SIRPB1: variants seen among roughly 807,000 people sequenced by gnomAD.
SIRPB1 encodes signal regulatory protein beta 1.
In SIRPB1, 28 loss-of-function variants were observed where a neutral mutation model predicts 34.1. The ratio of observed to expected loss-of-function variants is 0.82; its 90% confidence interval spans 0.61 to 1.12. The LOEUF (loss-of-function observed/expected upper bound fraction) is 1.12, where lower values mean the gene tolerates loss of function less well. Among genes scored for constraint, SIRPB1 ranks in the 50% most tolerant of loss-of-function variants. SIRPB1 has a pLI of 0.00. For missense variants in SIRPB1, 499 were observed against 507.0 expected, an observed-to-expected ratio of 0.98 and a Z score of 0.15; for synonymous variants, 211 against 203.8, an observed-to-expected ratio of 1.04 and a Z score of -0.30.
chr20:1,617,612 T>C (rs984003398), intron 1 of SIRPB1, among the ~76,000 whole-genome samples: 4 of 152,174 alleles, frequency 2.6e-5, no homozygotes, highest in African/African-American at 9.7e-5. Flanking sequence ...CACAAATCTA[T>C]TGTACAATAT....
chr20:1,570,290 C>T (rs1295473269), intron 4 of SIRPB1, among the ~76,000 whole-genome samples: 1 of 152,228 alleles, frequency 6.6e-6, no homozygotes, highest in African/African-American at 2.4e-5. Flanking sequence ...TGTGCTGTGA[C>T]CAGGTCACCT....
chr20:1,578,375 C>G lies in SIRPB1; in HGVS notation c.396G>C (p.Glu132Asp), dbSNP rs1470050027. The G allele has an allele frequency of 2.5e-6, 4 of 1,587,256 alleles. No homozygotes were observed. Among genetic ancestry groups the G allele is most frequent in the Non-Finnish European group, 3.4e-6 (4 of 1,160,338 alleles). Reference protein sequence around the residue: ...KFRKGSPDDVEFKSGAGTELS... With the variant: ...KFRKGSPDDVDFKSGAGTELS... ...GCTCAGTGCCTGCTCCAGACTTAAA[C>G]TCCACGTCGTCAGGGCTCCCTTTCC... Residue 132 changes from glutamate to aspartate, a missense_variant, in exon 2 of 6, where the codon GAG becomes GAC. Transcript: ENST00000381605.
chr20:1,613,194 G>A (rs2091584511), intron 1 of SIRPB1, among the ~76,000 whole-genome samples: 1 of 72,866 alleles, frequency 1.4e-5, no homozygotes, highest in Non-Finnish European at 2.6e-5. Context: ...TTTTTAAAGA[G>A]CTTTCAGCAG....
intron 1 of SIRPB1, 47 bp downstream of exon 1, chr20:1,619,822 T>C (rs747895981): frequency 2.6e-5 from 36 of 1,380,934 alleles, no homozygotes; most frequent in African/African-American, 1.4e-4. Context: ...GGACAGGCCA[T>C]GGCTCAGTGG....
Position 1,586,845 on chromosome 20 carries a change from C to T in SIRPB1, c.77-8151G>A, listed in dbSNP as rs1030178615. Among the ~76,000 whole-genome samples, 2 of 49,246 alleles carry T rather than the reference C, an allele frequency of 4.1e-5. 1 individual carries two copies. Among genetic ancestry groups the T allele is most frequent in the Admixed American group, 2.7e-4 (2 of 7,454 alleles). The allele number at this position is 49,246 out of a possible 152,430, so 32.3% of individuals were successfully genotyped here. A position where few individuals can be genotyped will look rare whatever the true frequency, so the allele number is the denominator to read the frequency against. The stretch of plus-strand genomic sequence containing the variant: ...GGGGACCACTGCACACGTGTGTGTG[C>T]GTGTGTGTGTACACATTCACAAATA... On this transcript the variant is annotated intron_variant, in intron 1 of 5. Coordinates refer to ENST00000381605, the MANE Select transcript of SIRPB1 (RefSeq NM_006065.5).
rs2091509934 is a variant in SIRPB1 at position 1,606,002 on chromosome 20, T to C, written c.76+13867A>G. 3 of 228,450 alleles carry C rather than the reference T, an allele frequency of 1.3e-5. 1 individual carries two copies. The highest frequency in any genetic ancestry group is 7.9e-5 in the Admixed American group (2 of 25,158). The allele number at this position is 228,450 out of a possible 1,614,324, so 14.2% of individuals were successfully genotyped here. A position where few individuals can be genotyped will look rare whatever the true frequency, so the allele number is the denominator to read the frequency against. On this transcript the variant is annotated intron_variant, in intron 1 of 5. Transcript: ENST00000381605. ...CAGTTGAGGATTTTCAACCAGCTAA[T>C]GAACTGTTTCCAAAAACAACCTTTA...
chr20:1,615,385 G>C (rs528466923), intron 1 of SIRPB1, among the ~76,000 whole-genome samples: 10 of 152,094 alleles, frequency 6.6e-5, no homozygotes, highest in Non-Finnish European at 1.3e-4. Flanking sequence ...TCCAGATCTG[G>C]GGAGCATACT....
intron 2 of SIRPB1, among the ~76,000 whole-genome samples, chr20:1,577,944 G>T (rs1371555654): frequency 6.8e-6 from 1 of 147,548 alleles, no homozygotes; most frequent in Non-Finnish European, 1.5e-5. Flanking sequence ...GTGACTGCCT[G>T]TTGCATAAAG....
intron 1 of SIRPB1, among the ~76,000 whole-genome samples, chr20:1,617,436 A>G (rs1015254225): frequency 3.3e-5 from 5 of 152,238 alleles, no homozygotes; most frequent in Non-Finnish European, 7.3e-5. Flanking sequence ...AGCCAGGCAC[A>G]GAAAGACAAT....
Position 1,571,734 on chromosome 20 carries a change from G to A in SIRPB1, c.737C>T (p.Ser246Phe). ...GGGTCTTCTACCTCGGATGGCCTCAGACAAGTTGGCAGTCCCACGAAGAGG... is the reference window on the plus strand; with the variant it reads ...GGGTCTTCTACCTCGGATGGCCTCAAACAAGTTGGCAGTCCCACGAAGAGG... ...GDPLRGTANL[S>F]EAIRVPPTLE... The change falls in exon 3 of 6, where the codon TCT (serine) becomes TTT (phenylalanine). Residue 246 changes from serine (S) to phenylalanine (F), a missense_variant. Transcript: ENST00000381605. 1 of 1,614,252 alleles carries A rather than the reference G, an allele frequency of 6.2e-7. No homozygotes were observed. Among genetic ancestry groups the A allele is most frequent in the South Asian group, 1.1e-5 (1 of 91,090 alleles).
In SIRPB1 at chr20:1,603,794, T is replaced by C; in HGVS notation, c.76+16075A>G. 5 of 554,950 alleles carry C rather than the reference T, an allele frequency of 9.0e-6. 2 individuals carry two copies. The South Asian group carries it at 1.9e-4, about 21-fold the overall frequency. The allele number at this position is 554,950 out of a possible 1,614,324, so 34.4% of individuals were successfully genotyped here. On this transcript the variant is annotated intron_variant, in intron 1 of 5. Transcript: ENST00000381605. ...GAAAGAAAAAGATAAAATTTAAAAATTTGAAGTAACCTTACCAGGAGCAGT... is the reference window on the plus strand; with the variant it reads ...GAAAGAAAAAGATAAAATTTAAAAACTTGAAGTAACCTTACCAGGAGCAGT...
intron 4 of SIRPB1, among the ~76,000 whole-genome samples, chr20:1,567,593 C>T (rs1328776164): frequency 6.6e-6 from 1 of 152,188 alleles, no homozygotes. Flanking sequence ...TCTGATTACT[C>T]ATCAGCTAGC....
intron 1 of SIRPB1, among the ~76,000 whole-genome samples, chr20:1,615,288 T>A (rs1443507150): frequency 6.6e-6 from 1 of 152,236 alleles, no homozygotes; most frequent in Non-Finnish European, 1.5e-5. Context: ...GGGCCTTTGA[T>A]GCAAATATAA....
intron 2 of SIRPB1, among the ~76,000 whole-genome samples, chr20:1,577,302 G>A (rs568076787): frequency 1.4e-5 from 2 of 147,762 alleles, no homozygotes; most frequent in Non-Finnish European, 3.0e-5. Flanking sequence ...AGACTGCCAC[G>A]ATTCAGATAT....
rs1311401982 is a variant in SIRPB1 at position 1,603,533 on chromosome 20, A to G, written c.76+16336T>C. 6.1e-5 allele frequency among the ~76,000 whole-genome samples: 3 copies of G among 48,952 alleles called. 1 individual carries two copies. The highest frequency in any genetic ancestry group is 4.1e-4 in the African/African-American group (3 of 7,388). The allele number at this position is 48,952 out of a possible 152,430, so 32.1% of individuals were successfully genotyped here. A position where few individuals can be genotyped will look rare whatever the true frequency, so the allele number is the denominator to read the frequency against. On this transcript the variant is annotated intron_variant, in intron 1 of 5. Transcript: ENST00000381605. ...GCTGATGAGAAACGGGAATGTAACAACTGTCAGGGGTAAAAAGCAAGATGC... is the reference window on the plus strand; with the variant it reads ...GCTGATGAGAAACGGGAATGTAACAGCTGTCAGGGGTAAAAAGCAAGATGC...
At chr20:1,618,494 A>C (rs1228639490) in intron 1 of SIRPB1, among the ~76,000 whole-genome samples, 1 of 152,234 alleles carries the variant, frequency 6.6e-6, no homozygotes, top group Non-Finnish European at 1.5e-5. Flanking sequence ...GGATTAGTGG[A>C]GCTAAAACAG....
chr20:1,614,597 G>A (rs146703551), intron 1 of SIRPB1, among the ~76,000 whole-genome samples: 115 of 151,914 alleles, frequency 7.6e-4, no homozygotes, highest in African/African-American at 2.5e-3. Flanking sequence ...CTGCTCCTTG[G>A]GAGCTCCTCC....
intron 4 of SIRPB1, 199 bp downstream of exon 4, chr20:1,570,606 G>A: frequency 1.9e-6 from 1 of 527,026 alleles, no homozygotes; most frequent in Non-Finnish European, 3.3e-6. Flanking sequence ...TGGTAGATGG[G>A]GCTTAAGGGT....
At chr20:1,576,694 T>G (rs1568688506) in intron 2 of SIRPB1, among the ~76,000 whole-genome samples, 1 of 148,042 alleles carries the variant, frequency 6.8e-6, no homozygotes, top group Non-Finnish European at 1.5e-5. Flanking sequence ...ATCACCTGAG[T>G]TTGGGAGTTC....
Sources: gnomAD v4.1 joint callset for allele counts (sites outside exome capture counted in the v4.1 genomes callset) on GRCh38, gnomAD v4.1.1 for gene constraint, MANE v1.5 for transcripts, NCBI Gene and HGNC (gene_info 2026-07-23, HGNC 2026-07-21) for gene names.